The following PCDHAC1 variants were observed in gnomAD, a reference collection of about 807,000 sequenced individuals.
PCDHAC1 encodes protocadherin alpha subfamily C, 1, also known as protocadherin alpha-C1.
In PCDHAC1, 42 loss-of-function variants were observed where a neutral mutation model predicts 60.0. The observed-to-expected ratio is 0.70, with a 90% confidence interval of 0.55 to 0.90. The LOEUF (loss-of-function observed/expected upper bound fraction) is 0.90, where lower values mean the gene tolerates loss of function less well. Ranked by LOEUF, PCDHAC1 falls within the 40% of genes least tolerant of loss-of-function variation. PCDHAC1 has a pLI of 0.00. For synonymous variants in PCDHAC1, 468 were observed against 499.3 expected, an observed-to-expected ratio of 0.94 and a Z score of 0.84; for missense variants, 1,160 against 1,222.3, an observed-to-expected ratio of 0.95 and a Z score of 0.76.
At chr5:140,951,311 T>G (rs1240303466) in intron 1 of PCDHAC1, among the ~76,000 whole-genome samples, 4 of 152,224 alleles carry the variant, frequency 2.6e-5, no homozygotes, top group African/African-American at 9.6e-5. Context: ...ATTAATGTGT[T>G]ATTCTTGAGA....
chr5:140,967,100 G>A, intron 1 of PCDHAC1: 1 of 1,613,092 alleles, frequency 6.2e-7, no homozygotes, highest in Non-Finnish European at 8.5e-7. Context: ...GGCGCTGTGT[G>A]AGCAGCGGCC....
intron 1 of PCDHAC1, chr5:140,967,345 CGAGCTG>C (rs1443872198): frequency 1.2e-6 from 2 of 1,607,634 alleles, no homozygotes; most frequent in Non-Finnish European, 1.7e-6. Context: ...GCGAGCACTT[CGAGCTG>C]GACCTTAAGC....
intron 1 of PCDHAC1, among the ~76,000 whole-genome samples, chr5:140,944,313 G>A (rs2093639720): frequency 6.6e-6 from 1 of 152,066 alleles, no homozygotes; most frequent in Non-Finnish European, 1.5e-5. Context: ...TCAGCCTCCT[G>A]AGTAGCTGGG....
intron 1 of PCDHAC1, among the ~76,000 whole-genome samples, chr5:140,953,076 T>C (rs1276914822): frequency 6.6e-6 from 1 of 152,106 alleles, no homozygotes; most frequent in East Asian, 1.9e-4. Flanking sequence ...ATCTCCAACA[T>C]TGGGGATTAC....
At chr5:141,003,982 G>A (rs914206731) in intron 3 of PCDHAC1, among the ~76,000 whole-genome samples, 25 of 152,152 alleles carry the variant, frequency 1.6e-4, no homozygotes, top group African/African-American at 5.6e-4. Flanking sequence ...GGGACTTGCC[G>A]GAGATCCTAG....
intron 1 of PCDHAC1, chr5:140,966,476 C>G: frequency 2.3e-6 from 1 of 432,972 alleles, no homozygotes; most frequent in Non-Finnish European, 4.0e-6. Flanking sequence ...CTTCTGTTTC[C>G]TTTTCCCTCC....
chr5:140,967,980 A>G (rs1554230169), intron 1 of PCDHAC1: 1 of 1,614,198 alleles, frequency 6.2e-7, no homozygotes, highest in African/African-American at 1.3e-5. Context: ...CTGGGTCTGG[A>G]GGCCACACTG....
intron 1 of PCDHAC1, among the ~76,000 whole-genome samples, chr5:140,945,334 A>G (rs1352254498): frequency 6.6e-6 from 1 of 152,134 alleles, no homozygotes; most frequent in Non-Finnish European, 1.5e-5. Flanking sequence ...TTTTATGTTC[A>G]TAGCTTGGAA....
At chr5:140,945,190 G>A (rs1372387920) in intron 1 of PCDHAC1, among the ~76,000 whole-genome samples, 1 of 152,000 alleles carries the variant, frequency 6.6e-6, no homozygotes, top group Non-Finnish European at 1.5e-5. Flanking sequence ...AGAAAACCAT[G>A]CTATTTACAA....
chr5:140,953,340 C>T (rs2094876353), intron 1 of PCDHAC1, among the ~76,000 whole-genome samples: 1 of 152,066 alleles, frequency 6.6e-6, no homozygotes, highest in Non-Finnish European at 1.5e-5. Context: ...TAGGGCTCAC[C>T]TTCTTTTGTT....
intron 1 of PCDHAC1, among the ~76,000 whole-genome samples, chr5:140,935,749 A>G (rs1245640487): frequency 6.6e-6 from 1 of 152,172 alleles, no homozygotes; most frequent in African/African-American, 2.4e-5. Flanking sequence ...ATTCCATACA[A>G]TACACATTCT....
chr5:140,928,537 A>G lies in PCDHAC1; in HGVS notation c.1645A>G (p.Asn549Asp), dbSNP rs2085311063. 2 of 1,614,198 alleles carry G rather than the reference A, an allele frequency of 1.2e-6. No homozygotes were observed. Among genetic ancestry groups the G allele is most frequent in the African/African-American group, 2.7e-5 (2 of 75,030 alleles). ...TATAAACTTGTTTGTGGTAGATAGG[A>G]ATGACAATTATCCGGTTATCTTGTT... ...VTINLFVVDR[N>D]DNYPVILFPL... is the part of the protein sequence containing the mutation. The change falls in exon 1 of 4, where the codon AAT becomes GAT. Residue 549 changes from asparagine (N) to aspartate (D), a missense_variant. Asn to Asp is a conservative substitution (Grantham distance 23). Transcript: ENST00000253807.
At chr5:140,992,035 G>A (rs529236840) in intron 3 of PCDHAC1, among the ~76,000 whole-genome samples, 1 of 151,988 alleles carries the variant, frequency 6.6e-6, no homozygotes, top group Non-Finnish European at 1.5e-5. Flanking sequence ...GTGTGTGTGT[G>A]TGTGTGTGTG....
intron 1 of PCDHAC1, among the ~76,000 whole-genome samples, chr5:140,946,338 A>T (rs1042874038): frequency 6.6e-6 from 1 of 151,824 alleles, no homozygotes; most frequent in Non-Finnish European, 1.5e-5. Flanking sequence ...ATAACAAGTG[A>T]TGGAGAGGAT....
At chr5:140,968,810 G>C in intron 1 of PCDHAC1, 1 of 1,614,186 alleles carries the variant, frequency 6.2e-7, no homozygotes, top group Non-Finnish European at 8.5e-7. Flanking sequence ...AGCTGTGGTG[G>C]ATAGGGTTTC....
intron 3 of PCDHAC1, among the ~76,000 whole-genome samples, chr5:141,005,628 G>C: frequency 6.7e-6 from 1 of 148,974 alleles, no homozygotes; most frequent in Non-Finnish European, 1.5e-5. Context: ...CGTGAACCCG[G>C]GAGGCGGAGC....
intron 1 of PCDHAC1, among the ~76,000 whole-genome samples, chr5:140,945,406 G>A (rs992531626): frequency 2.0e-4 from 30 of 151,882 alleles, no homozygotes; most frequent in East Asian, 1.2e-3. Flanking sequence ...AATACAATTC[G>A]TATCAAAATT....
At chr5:140,962,455 A>G (rs571453201) in intron 1 of PCDHAC1, among the ~76,000 whole-genome samples, 4 of 152,246 alleles carry the variant, frequency 2.6e-5, no homozygotes, top group Non-Finnish European at 4.4e-5. Flanking sequence ...TGAATCTCTT[A>G]TGGCTTGAAT....
Position 140,928,713 on chromosome 5 carries a change from T to C in PCDHAC1, c.1821T>C (p.Ser607=), listed in dbSNP as rs535812769. The C allele has an allele frequency of 3.1e-6, 5 of 1,614,142 alleles. No individual in the cohort carries two copies. In the African/African-American group the frequency reaches 6.7e-5, roughly 22 times the overall value. ...SYHISRASDS[S]LFRISANIGE... ...ACATCTCCCGGGCGTCTGACTCTAG[T>C]CTCTTTAGAATTTCAGCCAATATAG... The change falls in exon 1 of 4, where the codon AGT becomes AGC. Residue 607 remains serine, a synonymous_variant. Coordinates refer to ENST00000253807, the MANE Select transcript of PCDHAC1 (RefSeq NM_018898.5).
Sources: allele counts gnomAD v4.1 joint callset (sites outside exome capture counted in the v4.1 genomes callset), GRCh38; gene constraint gnomAD v4.1.1; transcripts MANE v1.5; gene names NCBI Gene and HGNC (gene_info 2026-07-23, HGNC 2026-07-21).